The following RALGAPB variants were observed in gnomAD, a reference collection of about 807,000 sequenced individuals.
RALGAPB encodes ral GTPase-activating protein subunit beta.
In RALGAPB, 25 loss-of-function variants were observed where a neutral mutation model predicts 161.1. The ratio of observed to expected loss-of-function variants is 0.16; its 90% CI spans 0.11 to 0.22. The LOEUF (loss-of-function observed/expected upper bound fraction) is 0.22. Ranked by LOEUF, RALGAPB falls within the 10% of genes least tolerant of loss-of-function variation. The pLI is 1.00. For synonymous variants in RALGAPB, 629 were observed against 626.1 expected, an observed-to-expected ratio of 1.00 and a Z score of -0.07; for missense variants, 1,391 against 1,815.2, an observed-to-expected ratio of 0.77 and a Z score of 4.25.
chr20:38,554,772 C>T (rs572439530), intron 22 of RALGAPB, among the ~76,000 whole-genome samples: 1 of 152,282 alleles, frequency 6.6e-6, no homozygotes, highest in African/African-American at 2.4e-5. Flanking sequence ...ATTCTTAATT[C>T]CATTAGCCTT....
At chr20:38,516,132 G>A in intron 6 of RALGAPB, 60 bp from the exon 7 acceptor site, 1 of 1,303,042 alleles carries the variant, frequency 7.7e-7, no homozygotes, top group Non-Finnish European at 1.1e-6. Flanking sequence ...TAGATTACGT[G>A]TATTTTATTG....
Position 38,558,355 on chromosome 20 carries a change from T to G in RALGAPB, c.3433T>G (p.Phe1145Val). 6.2e-7 allele frequency: 1 copy of G among 1,607,436 alleles called. No individual in the cohort carries two copies. Among genetic ancestry groups the G allele is most frequent in the South Asian group, 1.1e-5 (1 of 89,986 alleles). Residue 1145 changes from phenylalanine to valine, a missense_variant, in exon 23 of 30, where the codon TTT (phenylalanine) becomes GTT (valine). Around this residue, in one of 3 missense-constraint regions of RALGAPB, gnomAD observed 436 missense variants for 527.0 expected, o/e 0.83. Coordinates refer to ENST00000262879, the MANE Select transcript of RALGAPB (RefSeq NM_020336.4). The stretch of plus-strand genomic sequence containing the variant: ...TGCACTTGATTCCACGATACCTGGA[T>G]TTTTTGATGACATTGGGTATCTGGA... ...LIALDSTIPG[F>V]FDDIGYLDLL...
At chr20:38,562,094 G>A (rs1043991676) in intron 23 of RALGAPB, among the ~76,000 whole-genome samples, 4 of 152,164 alleles carry the variant, frequency 2.6e-5, no homozygotes, top group African/African-American at 7.2e-5. Context: ...TTGAATTTTA[G>A]TAGATTTTAT....
At chr20:38,510,070 G>T (rs2085888144) in intron 6 of RALGAPB, among the ~76,000 whole-genome samples, 3 of 151,636 alleles carry the variant, frequency 2.0e-5, no homozygotes, top group Admixed American at 2.0e-4. Flanking sequence ...CTTTGTAATA[G>T]TAAGTTCTTT....
chr20:38,503,423 C>T (rs997917495), intron 5 of RALGAPB, among the ~76,000 whole-genome samples: 2 of 152,134 alleles, frequency 1.3e-5, no homozygotes, highest in Non-Finnish European at 2.9e-5. Flanking sequence ...ATGAATGACT[C>T]TGAGGGGTTC....
At chr20:38,489,145 G>GGCCTAA (rs2085205700) in intron 2 of RALGAPB, among the ~76,000 whole-genome samples, 1 of 152,108 alleles carries the variant, frequency 6.6e-6, no homozygotes, top group East Asian at 1.9e-4. Flanking sequence ...AAGCCCTTCT[G>GGCCTAA]GCCTAAGCCT....
At chr20:38,473,139 T>A in intron 1 of RALGAPB, 70 bp downstream of exon 1, 1 of 332,090 alleles carries the variant, frequency 3.0e-6, no homozygotes, top group East Asian at 4.7e-5. Flanking sequence ...CACCTGGCGG[T>A]CAAGGGACGG....
chr20:38,479,874 G>A (rs1439329878), intron 1 of RALGAPB, among the ~76,000 whole-genome samples: 1 of 152,126 alleles, frequency 6.6e-6, no homozygotes, highest in African/African-American at 2.4e-5. Flanking sequence ...CCACATTGGA[G>A]TTTGCTCTTC....
chr20:38,573,957 T>G, intron 28 of RALGAPB, 193 bp from the exon 29 acceptor site: 1 of 417,814 alleles, frequency 2.4e-6, no homozygotes, highest in Non-Finnish European at 4.2e-6. Context: ...TAGGACCAGA[T>G]GTTATAGGGG....
chr20:38,559,009 A>G (rs1056359907), intron 23 of RALGAPB, among the ~76,000 whole-genome samples: 1 of 152,204 alleles, frequency 6.6e-6, no homozygotes, highest in Non-Finnish European at 1.5e-5. Flanking sequence ...CTTGATGCCT[A>G]AAGACTTGCT....
At chr20:38,550,103 A>G (rs971409144) in intron 20 of RALGAPB, among the ~76,000 whole-genome samples, 1 of 152,200 alleles carries the variant, frequency 6.6e-6, no homozygotes, top group Non-Finnish European at 1.5e-5. Context: ...GTGGGAACAC[A>G]TGGACACAGG....
intron 5 of RALGAPB, among the ~76,000 whole-genome samples, chr20:38,504,180 C>G (rs535825877): frequency 3.7e-4 from 56 of 152,290 alleles, no homozygotes; most frequent in African/African-American, 1.3e-3. Flanking sequence ...CACCTTGAAA[C>G]TATACTAGAG....
intron 1 of RALGAPB, among the ~76,000 whole-genome samples, chr20:38,485,592 A>G (rs946740871): frequency 6.6e-6 from 1 of 152,050 alleles, no homozygotes; most frequent in African/African-American, 2.4e-5. Context: ...ACACCCGGCT[A>G]ATTTTTGTAC....
chr20:38,536,622 A>G (rs911059552), intron 16 of RALGAPB, among the ~76,000 whole-genome samples: 1 of 152,154 alleles, frequency 6.6e-6, no homozygotes, highest in African/African-American at 2.4e-5. Flanking sequence ...ATTTTCTCTA[A>G]CATCTAGGTG....
At chr20:38,565,677 C>T (rs76655404) in intron 25 of RALGAPB, among the ~76,000 whole-genome samples, 199 bp downstream of exon 25, 11,124 of 152,162 alleles carry the variant, frequency 0.073, 1,417 homozygotes, top group African/African-American at 0.25. Context: ...CAGACTGACC[C>T]TCTAATAATC....
intron 5 of RALGAPB, among the ~76,000 whole-genome samples, chr20:38,508,449 G>A (rs1243424598): frequency 6.6e-6 from 1 of 152,124 alleles, no homozygotes; most frequent in Non-Finnish European, 1.5e-5. Context: ...GTCCCACAGA[G>A]CACATGGATG....
chr20:38,567,064 A>G, intron 25 of RALGAPB, 32 bp from the exon 26 acceptor site: 1 of 1,607,680 alleles, frequency 6.2e-7, no homozygotes. Flanking sequence ...AGTGGTATGT[A>G]TTATAGTTGC....
chr20:38,501,086 C>G (rs1464090639), intron 5 of RALGAPB, among the ~76,000 whole-genome samples: 1 of 152,176 alleles, frequency 6.6e-6, no homozygotes, highest in African/African-American at 2.4e-5. Flanking sequence ...TCCAGATGAT[C>G]TAGCTAAGAT....
chr20:38,521,413 C>T (rs981482149), intron 9 of RALGAPB, 84 bp from the exon 10 acceptor site: 3 of 1,566,996 alleles, frequency 1.9e-6, no homozygotes, highest in Admixed American at 3.7e-5. Flanking sequence ...TTAATGACAC[C>T]AATATTTGAT....
Sources: allele counts gnomAD v4.1 joint callset (sites outside exome capture counted in the v4.1 genomes callset), GRCh38; gene constraint gnomAD v4.1.1; regional missense constraint gnomAD v4.1.1; transcripts MANE v1.5; gene names NCBI Gene and HGNC (gene_info 2026-07-23, HGNC 2026-07-21).